ARHGAP22: variants seen among roughly 807,000 people sequenced by gnomAD.
ARHGAP22 encodes the protein Rho GTPase activating protein 22.
In ARHGAP22, 48 loss-of-function variants were observed where a neutral mutation model predicts 59.1. The ratio of observed to expected loss-of-function variants is 0.81; its 90% confidence interval spans 0.64 to 1.03. The LOEUF (loss-of-function observed/expected upper bound fraction) is 1.03. Ranked by LOEUF, ARHGAP22 falls within the 50% of genes least tolerant of loss-of-function variation. ARHGAP22 has a pLI of 0.00. For synonymous variants in ARHGAP22, 445 were observed against 416.4 expected (o/e 1.07, Z -0.84); for missense variants, 1,015 against 958.7 (o/e 1.06, Z -0.78).
chr10:48,515,656 G>C (rs527837859), intron 3 of ARHGAP22, among the ~76,000 whole-genome samples: 9 of 152,178 alleles, frequency 5.9e-5, no homozygotes, highest in African/African-American at 2.2e-4. Context: ...TTTGAGGATA[G>C]ACCATTTACT....
chr10:48,507,903 G>A (rs2052314631), intron 3 of ARHGAP22, among the ~76,000 whole-genome samples: 1 of 148,726 alleles, frequency 6.7e-6, no homozygotes, highest in Non-Finnish European at 1.5e-5. Flanking sequence ...AATACTGGGG[G>A]GTGGGGGTGG....
downstream of ARHGAP22, among the ~76,000 whole-genome samples, chr10:48,441,646 G>GT (rs1405385609): frequency 5.3e-5 from 8 of 151,978 alleles, no homozygotes; most frequent in Non-Finnish European, 2.9e-5. Flanking sequence ...TAGAGACAGG[G>GT]TTTCACCATG....
intron 3 of ARHGAP22, among the ~76,000 whole-genome samples, chr10:48,501,761 G>GTGAAAC (rs2051547581): frequency 6.6e-6 from 1 of 152,208 alleles, no homozygotes; most frequent in African/African-American, 2.4e-5. Context: ...AAAGAAGGTG[G>GTGAAAC]TGAAACTGTG....
Position 48,530,307 on chromosome 10 carries a change from T to C in ARHGAP22, c.322+25156A>G, listed in dbSNP as rs183673502. On this transcript the variant is annotated intron_variant, in intron 3 of 9. Coordinates refer to ENST00000249601, the MANE Select transcript of ARHGAP22 (RefSeq NM_021226.4). The stretch of plus-strand genomic sequence containing the variant: ...GACTTAAACCTAAGACCTGAAACTG[T>C]AAAAATTCTAGAAGATAACATTGGA... 2.9e-5 allele frequency among the ~76,000 whole-genome samples: 4 copies of C among 139,996 alleles called. No homozygotes were observed. The East Asian group carries it at 9.0e-4, about 31-fold the overall frequency. 91.8% of individuals were successfully genotyped at this position (139,996 alleles called of 152,430 possible). A position where few individuals can be genotyped will look rare whatever the true frequency, so the allele number is the denominator to read the frequency against.
intron 1 of ARHGAP22, among the ~76,000 whole-genome samples, chr10:48,590,125 G>T (rs1403499046): frequency 6.6e-6 from 1 of 152,038 alleles, no homozygotes; most frequent in Non-Finnish European, 1.5e-5. Context: ...TACAGAGAGA[G>T]GGTAGGGGTG....
At chr10:48,439,430 C>T in the ARHGAP22 span, 5 of 151,378 alleles carry the variant, frequency 3.3e-5, no homozygotes, top group East Asian at 7.8e-4. Flanking sequence ...TAGGATTGTC[C>T]GTGGATTGGG....
chr10:48,451,981 A>G (rs1382308562), intron 8 of ARHGAP22, among the ~76,000 whole-genome samples: 2 of 151,500 alleles, frequency 1.3e-5, no homozygotes, highest in South Asian at 2.1e-4. Flanking sequence ...TGCACACACA[A>G]TGCACCCTCC....
intron 3 of ARHGAP22, among the ~76,000 whole-genome samples, chr10:48,500,374 G>T (rs1310376013): frequency 6.8e-6 from 1 of 146,780 alleles, no homozygotes; most frequent in African/African-American, 2.7e-5. Flanking sequence ...ACAAAAACCT[G>T]AGTAGAGCTA....
chr10:48,441,478 GTC>G (rs2045201665), downstream of ARHGAP22, among the ~76,000 whole-genome samples: 1 of 146,236 alleles, frequency 6.8e-6, no homozygotes, highest in Non-Finnish European at 1.5e-5. Context: ...TTGAGACAGA[GTC>G]TCGCTCTGTC....
At chr10:48,545,051 A>T (rs956146840) in intron 3 of ARHGAP22, among the ~76,000 whole-genome samples, 1 of 152,226 alleles carries the variant, frequency 6.6e-6, no homozygotes, top group African/African-American at 2.4e-5. Context: ...TACATATTGA[A>T]ATGATAGTAT....
In ARHGAP22 at chr10:48,455,005, C is replaced by T. The variant is rs777081814; in HGVS notation, c.789G>A (p.Gly263=). ...GCTATCCCCAGGAGCCACTGACCTC[C>T]CCCTCGTCCTTGGTGAGCAGCTGGG... The part of the protein sequence containing the change: ...SCAQLLTKDE[G]EGTLELAKQV... Residue 263 remains glycine, a synonymous_variant, in exon 6 of 10, where the codon GGG becomes GGA. Transcript: ENST00000249601. The T allele has an allele frequency of 7.5e-6, 12 of 1,597,676 alleles. No individual in the cohort carries two copies. Among genetic ancestry groups the T allele is most frequent in the Admixed American group, 3.4e-5 (2 of 59,364 alleles).
chr10:48,504,457 G>A (rs1344256162), intron 3 of ARHGAP22, among the ~76,000 whole-genome samples: 1 of 152,224 alleles, frequency 6.6e-6, no homozygotes, highest in African/African-American at 2.4e-5. Context: ...AGCCAACCAA[G>A]GTGGCAGGGA....
rs139704727 is a variant in ARHGAP22, at chr10:48,529,963, G to A, written c.322+25500C>T. 2.6e-4 allele frequency among the ~76,000 whole-genome samples: 39 copies of A among 152,282 alleles called. No homozygotes were observed. The East Asian group carries it at 5.0e-3, about 20-fold the overall frequency. ...TATATAAAAATCAACTTGGCTGGGC[G>A]CGGTGGCTCACGCCTGTAATCCCAG... On this transcript the variant is annotated intron_variant, in intron 3 of 9. Coordinates refer to ENST00000249601, the MANE Select transcript of ARHGAP22 (RefSeq NM_021226.4).
the ARHGAP22 span, chr10:48,435,114 T>C: frequency 9.4e-7 from 1 of 1,059,534 alleles, no homozygotes; most frequent in Non-Finnish European, 1.3e-6. Flanking sequence ...AGTGGTCTTA[T>C]TTTTGGGTGA....
chr10:48,518,591 G>A (rs765625260), intron 3 of ARHGAP22, among the ~76,000 whole-genome samples: 5 of 152,182 alleles, frequency 3.3e-5, no homozygotes, highest in African/African-American at 7.2e-5. Flanking sequence ...GAGGAGGATG[G>A]GGATGTGGGG....
chr10:48,555,370 C>T (rs1358613418), intron 3 of ARHGAP22, 93 bp downstream of exon 3: 10 of 1,219,640 alleles, frequency 8.2e-6, no homozygotes, highest in South Asian at 5.1e-5. Flanking sequence ...GTGGCTCCTG[C>T]GGGAGGAGTG....
chr10:48,653,509 A>G (rs577742760), upstream of ARHGAP22, among the ~76,000 whole-genome samples: 44 of 152,246 alleles, frequency 2.9e-4, no homozygotes, highest in Non-Finnish European at 4.7e-4. Flanking sequence ...GGAGCGCTGG[A>G]ACAGCACAGA....
At chr10:48,455,192 T>C in intron 5 of ARHGAP22, 58 bp from the exon 6 acceptor site, 1 of 1,539,922 alleles carries the variant, frequency 6.5e-7, no homozygotes, top group Non-Finnish European at 8.8e-7. Flanking sequence ...ACTTCAGGGG[T>C]GACTGGTACG....
intron 3 of ARHGAP22, among the ~76,000 whole-genome samples, chr10:48,542,018 G>A (rs1274595088): frequency 2.0e-5 from 3 of 152,352 alleles, no homozygotes; most frequent in East Asian, 1.9e-4. Flanking sequence ...GGGTGCTGGA[G>A]GGAAGAGCAT....
Sources: gnomAD v4.1 joint callset for allele counts (sites outside exome capture counted in the v4.1 genomes callset) on GRCh38, gnomAD v4.1.1 for gene constraint, MANE v1.5 for transcripts, NCBI Gene and HGNC (gene_info 2026-07-23, HGNC 2026-07-21) for gene names.